Variants in DCC observed in about 807,000 individuals in gnomAD.
DCC encodes the protein DCC netrin 1 receptor, also known as netrin receptor DCC.
Under a neutral mutation model 172.5 loss-of-function variants are expected in DCC, and 58 were observed. The observed-to-expected ratio is 0.34, with a 90% CI of 0.27 to 0.42. The LOEUF is 0.42. DCC is among the 10% of genes least tolerant of loss of function. The probability of loss-of-function intolerance (pLI) is 1.00; values close to 1 mark genes in which losing one functional copy is unlikely to be tolerated. For synonymous variants in DCC, 709 were observed against 644.5 expected (o/e 1.10, Z -1.52); for missense variants, 1,740 against 1,791.0 (o/e 0.97, Z 0.51).
At chr18:52,737,346 T>C (rs2145105728) in intron 1 of DCC, among the ~76,000 whole-genome samples, 2 of 152,240 alleles carry the variant, frequency 1.3e-5, no homozygotes, top group South Asian at 4.2e-4. Flanking sequence ...CCCAGACATC[T>C]TTTTAAAGCC....
chr18:52,941,005 AATATT>A (rs1220668044), intron 5 of DCC: 4 of 152,162 alleles, frequency 2.6e-5, no homozygotes, highest in African/African-American at 9.7e-5. Flanking sequence ...AAAGGAATGA[AATATT>A]ATAGTAAGAC....
intron 21 of DCC, among the ~76,000 whole-genome samples, chr18:53,425,355 C>CTTTTTTTTTTTTTTT (rs1338640000): frequency 9.2e-5 from 8 of 86,554 alleles, no homozygotes; most frequent in Admixed American, 3.3e-4. Flanking sequence ...CGTTTCTCCT[C>CTTTTTTTTTTTTTTT]TCTTTTTTTT....
intron 1 of DCC, among the ~76,000 whole-genome samples, chr18:52,428,520 G>A (rs917509287): frequency 1.3e-5 from 2 of 152,022 alleles, no homozygotes; most frequent in Admixed American, 6.6e-5. Context: ...ATGTACCATC[G>A]AAACCCAACA....
chr18:53,051,099 G>A lies in DCC; in HGVS notation c.986-12206G>A, dbSNP rs141946442. The stretch of plus-strand genomic sequence containing the variant: ...AAATACATTTGCCAAGCATGGTGGC[G>A]TGCGCCTGTAATCTCAGCTACTCAG... On this transcript the variant is annotated intron_variant, in intron 5 of 28. Transcript: ENST00000442544. 3.2e-3 allele frequency among the ~76,000 whole-genome samples: 493 copies of A among 152,160 alleles called. 4 individuals carry two copies. The highest frequency in any genetic ancestry group is 0.013 in the South Asian group (62 of 4,818).
At chr18:52,471,658 G>A (rs141200197) in intron 1 of DCC, among the ~76,000 whole-genome samples, 47 of 152,262 alleles carry the variant, frequency 3.1e-4, no homozygotes, top group African/African-American at 1.0e-3. Flanking sequence ...TAGAGCTAAA[G>A]GAAGTGAACC....
intron 2 of DCC, among the ~76,000 whole-genome samples, chr18:52,862,227 A>C (rs1477039447): frequency 6.6e-6 from 1 of 152,166 alleles, no homozygotes; most frequent in Admixed American, 6.5e-5. Flanking sequence ...TGGAATTTCC[A>C]AAAGTTAATT....
intron 1 of DCC, among the ~76,000 whole-genome samples, chr18:52,421,923 A>G (rs1379692892): frequency 2.0e-5 from 3 of 152,176 alleles, no homozygotes; most frequent in Non-Finnish European, 4.4e-5. Flanking sequence ...CAAAGCCTCA[A>G]TAGTGACCCC....
chr18:52,786,079 C>T (rs1239145051), intron 2 of DCC, among the ~76,000 whole-genome samples: 1 of 152,084 alleles, frequency 6.6e-6, no homozygotes, highest in Non-Finnish European at 1.5e-5. Context: ...TATAGCAAAT[C>T]TTGCAAGTGT....
chr18:52,661,219 G>A (rs1250809351), intron 1 of DCC, among the ~76,000 whole-genome samples: 1 of 152,118 alleles, frequency 6.6e-6, no homozygotes, highest in Non-Finnish European at 1.5e-5. Flanking sequence ...TGAGGCAATG[G>A]GTCACTTTGA....
At chr18:52,373,872 C>T (rs955856238) in intron 1 of DCC, among the ~76,000 whole-genome samples, 2 of 149,006 alleles carry the variant, frequency 1.3e-5, no homozygotes, top group Non-Finnish European at 3.0e-5. Flanking sequence ...ATCAATGAAG[C>T]ATATTTGGTT....
chr18:53,426,343 T>A (rs1470755913), intron 21 of DCC, among the ~76,000 whole-genome samples: 1 of 144,886 alleles, frequency 6.9e-6, no homozygotes, highest in African/African-American at 2.5e-5. Context: ...TGATATATAT[T>A]TATAATATAT....
chr18:53,365,257 A>T (rs59064438), intron 15 of DCC, among the ~76,000 whole-genome samples: 55,178 of 151,640 alleles, frequency 0.36, 10,390 homozygotes, highest in Middle Eastern at 0.45. Flanking sequence ...ACATGAACTC[A>T]TCTTTTTAAG....
chr18:52,616,255 C>G (rs2034380678), intron 1 of DCC, among the ~76,000 whole-genome samples: 1 of 150,904 alleles, frequency 6.6e-6, no homozygotes, highest in Admixed American at 6.7e-5. Flanking sequence ...GTGACAGTTT[C>G]TTTTGGTTAA....
At chr18:52,873,339 A>G (rs190994718) in intron 2 of DCC, among the ~76,000 whole-genome samples, 1 of 152,348 alleles carries the variant, frequency 6.6e-6, no homozygotes, top group Non-Finnish European at 1.5e-5. Context: ...CCATAGGCTC[A>G]GGCATTATCC....
At chr18:52,530,278 T>C (rs556044967) in intron 1 of DCC, among the ~76,000 whole-genome samples, 4 of 152,112 alleles carry the variant, frequency 2.6e-5, no homozygotes, top group Non-Finnish European at 5.9e-5. Flanking sequence ...CTGAGGCATT[T>C]TTTGGATGTG....
chr18:52,578,766 C>A (rs529496070), intron 1 of DCC, among the ~76,000 whole-genome samples: 9 of 152,182 alleles, frequency 5.9e-5, no homozygotes, highest in African/African-American at 2.2e-4. Flanking sequence ...TTTGGGAGAC[C>A]GAGGTGGGTG....
Position 52,561,209 on chromosome 18 carries a change from AT to A in DCC, c.92-190842del, listed in dbSNP as rs1034044392. 5.3e-4 allele frequency among the ~76,000 whole-genome samples: 81 copies of A among 151,946 alleles called. 1 individual carries two copies. Among genetic ancestry groups the A allele is most frequent in the African/African-American group, 1.9e-3 (77 of 41,504 alleles). Reference sequence around the variant, plus strand: ...TTATTGGTGTGAATGCCTAAATATGATTTAGAATAAAATATCTATTCATATT... The same window carrying A: ...TTATTGGTGTGAATGCCTAAATATGATTAGAATAAAATATCTATTCATATT... On this transcript the variant is annotated intron_variant, in intron 1 of 28. Coordinates refer to ENST00000442544, the MANE Select transcript of DCC (RefSeq NM_005215.4).
chr18:53,269,914 G>C (rs112883582), intron 12 of DCC, among the ~76,000 whole-genome samples: 2 of 152,240 alleles, frequency 1.3e-5, no homozygotes, highest in African/African-American at 4.8e-5. Flanking sequence ...ATGGCAATAG[G>C]ATAGATTAAG....
At chr18:52,803,877 A>G (rs574552047) in intron 2 of DCC, among the ~76,000 whole-genome samples, 1 of 152,272 alleles carries the variant, frequency 6.6e-6, no homozygotes, top group African/African-American at 2.4e-5. Flanking sequence ...TTAATCATCA[A>G]AACAACACGA....
Sources: gnomAD v4.1 joint callset for allele counts (sites outside exome capture counted in the v4.1 genomes callset) on GRCh38, gnomAD v4.1.1 for gene constraint, MANE v1.5 for transcripts, NCBI Gene and HGNC (gene_info 2026-07-23, HGNC 2026-07-21) for gene names.